PALM2AKAP2: variants seen among roughly 807,000 people sequenced by gnomAD.
PALM2AKAP2 encodes PALM2-AKAP2 fusion protein.
A neutral mutation model predicts 71.5 loss-of-function variants in PALM2AKAP2; 37 were observed. The observed-to-expected ratio is 0.52, with a 90% confidence interval of 0.40 to 0.68. PALM2AKAP2 has a LOEUF of 0.68. Ranked by LOEUF, PALM2AKAP2 falls within the 30% of genes least tolerant of loss-of-function variation. PALM2AKAP2 has a pLI of 0.00. For synonymous variants in PALM2AKAP2, 468 were observed against 478.8 expected (o/e 0.98, Z 0.29); for missense variants, 1,224 against 1,191.8 (o/e 1.03, Z -0.40).
Position 110,035,827 on chromosome 9 carries a change from TTG to T in PALM2AKAP2, c.582+19794_582+19795del, listed in dbSNP as rs201892399. Among the ~76,000 whole-genome samples the T allele has an allele frequency of 7.4e-3, 981 of 132,304 alleles. 22 individuals are homozygous for T. Among genetic ancestry groups the T allele is most frequent in the Middle Eastern group, 0.015 (3 of 196 alleles). 86.8% of individuals were successfully genotyped at this position (132,304 alleles called of 152,430 possible). On this transcript the variant is annotated intron_variant, in intron 7 of 9. Transcript: ENST00000302798. ...TTATATGTAACATATATATGATATG[TTG>T]TGTGTTATATATAATATATATGATA...
At position 109,746,341 on chromosome 9, in the gene PALM2AKAP2, C is replaced by A. The variant is rs1479276644; in HGVS notation, c.6-34147C>A. Among the ~76,000 whole-genome samples the A allele has an allele frequency of 2.6e-5, 4 of 152,256 alleles. No individual in the cohort carries two copies. In the East Asian group the frequency reaches 7.7e-4, roughly 29 times the overall value. ...ACTTAGAAAAGCTAGCCAGATAACT[C>A]CATTTTAGAAAGCATGGGGGAATGT... is the stretch of plus-strand genomic sequence containing the variant. On this transcript the variant is annotated intron_variant, in intron 1 of 6. Coordinates refer to the PALM2AKAP2 transcript ENST00000374531.
intron 1 of PALM2AKAP2, among the ~76,000 whole-genome samples, chr9:110,102,857 C>T (rs937417683): frequency 2.0e-5 from 3 of 152,148 alleles, no homozygotes; most frequent in Non-Finnish European, 2.9e-5. Context: ...CTTACCCCAT[C>T]CTAGCCACCG....
intron 6 of PALM2AKAP2, among the ~76,000 whole-genome samples, chr9:109,966,355 G>A (rs1831948695): frequency 6.6e-6 from 1 of 152,214 alleles, no homozygotes; most frequent in South Asian, 2.1e-4. Flanking sequence ...CAAGGAAGAG[G>A]TGGCAAAGTG....
At chr9:109,887,688 C>T (rs903544220) in intron 3 of PALM2AKAP2, among the ~76,000 whole-genome samples, 2 of 151,486 alleles carry the variant, frequency 1.3e-5, no homozygotes, top group Non-Finnish European at 2.9e-5. Context: ...ACTTGCTGCC[C>T]CCCCCTAAAA....
At chr9:109,939,454 A>G (rs1831308586) in intron 6 of PALM2AKAP2, among the ~76,000 whole-genome samples, 2 of 152,232 alleles carry the variant, frequency 1.3e-5, no homozygotes, top group Non-Finnish European at 2.9e-5. Context: ...TAAAAATAGA[A>G]ATATTTTGTT....
At chr9:109,781,588 C>G (rs1203457519) in intron 1 of PALM2AKAP2, among the ~76,000 whole-genome samples, 1 of 152,168 alleles carries the variant, frequency 6.6e-6, no homozygotes, top group Non-Finnish European at 1.5e-5. Context: ...TGGACAGATT[C>G]TTCATTGGGA....
At chr9:109,734,933 T>C (rs926314973) in intron 1 of PALM2AKAP2, among the ~76,000 whole-genome samples, 3 of 151,988 alleles carry the variant, frequency 2.0e-5, no homozygotes, top group African/African-American at 7.2e-5. Flanking sequence ...TCCAAGCCTC[T>C]CCACTGCCAT....
intron 2 of PALM2AKAP2, among the ~76,000 whole-genome samples, chr9:109,871,327 G>A (rs1334572020): frequency 6.6e-6 from 1 of 152,130 alleles, no homozygotes; most frequent in Non-Finnish European, 1.5e-5. Context: ...ACATCCCAGT[G>A]ATTAGGAAAC....
intron 3 of PALM2AKAP2, among the ~76,000 whole-genome samples, chr9:109,893,526 C>T (rs903053460): frequency 2.0e-5 from 3 of 152,186 alleles, no homozygotes; most frequent in Admixed American, 2.0e-4. Context: ...TCACTGCAAC[C>T]TCTGCCTCCT....
chr9:109,861,560 G>A (rs1564184867), intron 1 of PALM2AKAP2, among the ~76,000 whole-genome samples: 2 of 152,134 alleles, frequency 1.3e-5, no homozygotes, highest in Non-Finnish European at 2.9e-5. Flanking sequence ...GATAGTGGAG[G>A]AATCTGGAAG....
chr9:109,806,404 T>C (rs10980053), intron 1 of PALM2AKAP2, among the ~76,000 whole-genome samples: 26,892 of 152,186 alleles, frequency 0.18, 2,759 homozygotes, highest in East Asian at 0.35. Flanking sequence ...TATTTGTGGA[T>C]GCTGAGAATG....
intron 2 of PALM2AKAP2, among the ~76,000 whole-genome samples, chr9:110,139,902 A>C (rs1289212108): frequency 6.6e-6 from 1 of 152,144 alleles, no homozygotes; most frequent in Non-Finnish European, 1.5e-5. Context: ...AATACCACCA[A>C]ATTGATGCTG....
chr9:109,990,762 C>T (rs938465799), intron 6 of PALM2AKAP2, among the ~76,000 whole-genome samples: 1 of 152,218 alleles, frequency 6.6e-6, no homozygotes, highest in Non-Finnish European at 1.5e-5. Context: ...GTGACATTGC[C>T]AGAAAATGGC....
intron 1 of PALM2AKAP2, among the ~76,000 whole-genome samples, chr9:109,771,491 G>A (rs796265218): frequency 2.8e-4 from 42 of 152,290 alleles, no homozygotes; most frequent in African/African-American, 9.9e-4. Flanking sequence ...ACTTATCTGA[G>A]CCTAAAACAA....
chr9:109,810,384 A>G (rs1157067588), intron 1 of PALM2AKAP2, among the ~76,000 whole-genome samples: 1 of 152,196 alleles, frequency 6.6e-6, no homozygotes, highest in Non-Finnish European at 1.5e-5. Flanking sequence ...GGAGAGGACT[A>G]AGAGAACTAG....
intron 6 of PALM2AKAP2, among the ~76,000 whole-genome samples, chr9:109,967,100 T>C (rs1408526945): frequency 6.6e-6 from 1 of 152,216 alleles, no homozygotes; most frequent in African/African-American, 2.4e-5. Flanking sequence ...TGGTTAGATG[T>C]AGCTGGGGCA....
At chr9:110,035,788 G>A (rs201802210) in intron 7 of PALM2AKAP2, among the ~76,000 whole-genome samples, 1 of 76,966 alleles carries the variant, frequency 1.3e-5, no homozygotes, top group African/African-American at 8.3e-5. Flanking sequence ...AACATATATA[G>A]GATATGTTGT....
At chr9:109,933,366 A>T (rs56008118) in intron 6 of PALM2AKAP2, among the ~76,000 whole-genome samples, 1 of 152,224 alleles carries the variant, frequency 6.6e-6, no homozygotes, top group Non-Finnish European at 1.5e-5. Flanking sequence ...TATTAGAGAC[A>T]TGGGTGTTGA....
At chr9:109,750,571 C>CGTGTGTGTGTGTGTGTGTGTGT (rs111708702) in intron 1 of PALM2AKAP2, among the ~76,000 whole-genome samples, 7 of 147,204 alleles carry the variant, frequency 4.8e-5, no homozygotes, top group African/African-American at 1.8e-4. Flanking sequence ...TGCCCTAGGA[C>CGTGTGTGTGTGTGTGTGTGTGT]GTGTGTGTGT....
Sources: gnomAD v4.1 joint callset for allele counts (sites outside exome capture counted in the v4.1 genomes callset) on GRCh38, gnomAD v4.1.1 for gene constraint, MANE v1.5 for transcripts, NCBI Gene and HGNC (gene_info 2026-07-23, HGNC 2026-07-21) for gene names.